ALK: variants seen among roughly 807,000 people sequenced by gnomAD.
ALK encodes the protein ALK tyrosine kinase receptor.
Under a neutral mutation model 163.1 loss-of-function variants are expected in ALK, and 74 were observed. The ratio of observed to expected loss-of-function variants is 0.45; its 90% CI spans 0.38 to 0.55. The LOEUF (loss-of-function observed/expected upper bound fraction) is 0.55. Ranked by LOEUF, ALK falls within the 20% of genes least tolerant of loss-of-function variation. The pLI is 0.00. For synonymous variants in ALK, 960 were observed against 843.2 expected (o/e 1.14, Z -2.40); for missense variants, 2,063 against 2,105.3 (o/e 0.98, Z 0.39).
chr2:29,643,219 G>A (rs1434445207), intron 3 of ALK, among the ~76,000 whole-genome samples: 1 of 152,074 alleles, frequency 6.6e-6, no homozygotes, highest in Non-Finnish European at 1.5e-5. Flanking sequence ...AATGATATGG[G>A]CAGGTATTAA....
At chr2:29,343,852 G>C (rs1425659262) in intron 5 of ALK, among the ~76,000 whole-genome samples, 1 of 152,200 alleles carries the variant, frequency 6.6e-6, no homozygotes, top group Non-Finnish European at 1.5e-5. Context: ...CAGGTACACA[G>C]GACTCCATTT....
chr2:29,571,678 A>G (rs985468960), intron 3 of ALK, among the ~76,000 whole-genome samples: 2 of 128,154 alleles, frequency 1.6e-5, no homozygotes, highest in East Asian at 2.3e-4. Context: ...GTGCAGTGGC[A>G]TGCTCTTGGC....
chr2:29,845,203 A>G (rs13006576), intron 1 of ALK, among the ~76,000 whole-genome samples: 48,742 of 152,070 alleles, frequency 0.32, 8,113 homozygotes, highest in Non-Finnish European at 0.37. Flanking sequence ...ACCATGAATT[A>G]TCACGGGCAC....
In ALK at chr2:29,920,273, G is replaced by A. The variant is rs772964441; in HGVS notation, c.387C>T (p.Gly129=). Residue 129 remains glycine (G), a synonymous_variant, in exon 1 of 29, where the codon GGC becomes GGT. Coordinates refer to ENST00000389048, the MANE Select transcript of ALK (RefSeq NM_004304.5). The stretch of plus-strand genomic sequence containing the variant: ...CACGCCGGAGCTTGCGCACGGAGCC[G>A]CCCTTCAGCACCCTGGACAGCGTCC... The part of the protein sequence containing the change: ...EARTLSRVLK[G]GSVRKLRRAK... The A allele has an allele frequency of 6.3e-7, 1 of 1,592,072 alleles. No individual in the cohort carries two copies. The highest frequency in any genetic ancestry group is 8.5e-7 in the Non-Finnish European group (1 of 1,170,280).
At chr2:29,206,782 T>C (rs953624078) in intron 26 of ALK, among the ~76,000 whole-genome samples, 1 of 118,982 alleles carries the variant, frequency 8.4e-6, no homozygotes, top group South Asian at 2.1e-4. Context: ...TATTGGTGTG[T>C]GTGTGTGTGT....
At chr2:29,623,419 C>T (rs1232681956) in intron 3 of ALK, among the ~76,000 whole-genome samples, 3 of 152,084 alleles carry the variant, frequency 2.0e-5, no homozygotes, top group Admixed American at 2.0e-4. Context: ...TATGATAAAA[C>T]ATTAAATGAA....
intron 18 of ALK, 120 bp downstream of exon 18, chr2:29,226,802 G>T: frequency 7.9e-7 from 1 of 1,262,380 alleles, no homozygotes; most frequent in Non-Finnish European, 1.1e-6. Flanking sequence ...GCAGGTAGGG[G>T]AGGGACAGAA....
intron 3 of ALK, among the ~76,000 whole-genome samples, chr2:29,582,300 A>G (rs1436968718): frequency 6.6e-6 from 1 of 152,080 alleles, no homozygotes; most frequent in Admixed American, 6.5e-5. Flanking sequence ...AACCCCACCC[A>G]AAATCCTACA....
At chr2:29,897,569 A>G (rs1667303012) in intron 1 of ALK, among the ~76,000 whole-genome samples, 1 of 152,130 alleles carries the variant, frequency 6.6e-6, no homozygotes, top group Admixed American at 6.5e-5. Flanking sequence ...GATTTCCCTG[A>G]TGGCTCCTCC....
At position 29,876,420 on chromosome 2, in the gene ALK, TGTG is replaced by T. The variant is rs575545575; in HGVS notation, c.667+43570_667+43572del. ...GATGATGGTGGTGATGGTGATGTGG[TGTG>T]GTGATGGTGATGGTAGTGGTGAGGA... On this transcript the variant is annotated intron_variant, in intron 1 of 28. Coordinates refer to ENST00000389048, the MANE Select transcript of ALK (RefSeq NM_004304.5). Among the ~76,000 whole-genome samples, 92 of 134,332 alleles carry T rather than the reference TGTG, an allele frequency of 6.8e-4. 1 individual carries two copies. Among genetic ancestry groups the T allele is most frequent in the African/African-American group, 2.4e-3 (84 of 34,898 alleles). The allele number at this position is 134,332 out of a possible 152,430, so 88.1% of individuals were successfully genotyped here.
At chr2:29,458,338 C>T (rs758513006) in intron 4 of ALK, among the ~76,000 whole-genome samples, 19 of 152,178 alleles carry the variant, frequency 1.2e-4, no homozygotes, top group Admixed American at 4.6e-4. Context: ...CAGTCACACC[C>T]GGGGACTTAG....
chr2:29,460,636 A>G (rs930721138), intron 4 of ALK, among the ~76,000 whole-genome samples: 3 of 151,886 alleles, frequency 2.0e-5, no homozygotes, highest in Non-Finnish European at 4.4e-5. Flanking sequence ...GATGCCAAAA[A>G]CCACGCCAAA....
At chr2:29,917,768 A>G (rs72798450) in intron 1 of ALK, among the ~76,000 whole-genome samples, 6,590 of 152,268 alleles carry the variant, frequency 0.043, 271 homozygotes, top group East Asian at 0.17. Flanking sequence ...GGTCATGGGG[A>G]GCTCATCCAG....
intron 3 of ALK, among the ~76,000 whole-genome samples, chr2:29,671,062 T>C (rs1165041101): frequency 6.6e-6 from 1 of 152,056 alleles, no homozygotes; most frequent in Admixed American, 6.6e-5. Context: ...TTGTTTTGTG[T>C]TGGTATGTGT....
intron 19 of ALK, among the ~76,000 whole-genome samples, chr2:29,225,140 A>C (rs945520356): frequency 6.6e-6 from 1 of 152,256 alleles, no homozygotes; most frequent in Non-Finnish European, 1.5e-5. Context: ...TGGGAGCTAG[A>C]AGTGACGTCT....
At chr2:29,441,435 C>A (rs763393542) in intron 4 of ALK, among the ~76,000 whole-genome samples, 4 of 152,148 alleles carry the variant, frequency 2.6e-5, no homozygotes, top group African/African-American at 2.4e-5. Flanking sequence ...GGCAGGCATG[C>A]AGGGGCCATG....
At chr2:29,758,563 T>C (rs1461625579) in intron 1 of ALK, among the ~76,000 whole-genome samples, 1 of 152,148 alleles carries the variant, frequency 6.6e-6, no homozygotes, top group East Asian at 1.9e-4. Context: ...CTTGGCCTAC[T>C]TTCTGGATCT....
At chr2:29,773,211 T>A (rs997528843) in intron 1 of ALK, among the ~76,000 whole-genome samples, 1 of 150,794 alleles carries the variant, frequency 6.6e-6, no homozygotes, top group African/African-American at 2.5e-5. Context: ...ATCTTTTCTA[T>A]CAGTAAAATA....
intron 1 of ALK, among the ~76,000 whole-genome samples, chr2:29,830,713 T>TAAAAAAAAA (rs530774574): frequency 1.0e-4 from 3 of 28,966 alleles, no homozygotes; most frequent in African/African-American, 2.2e-4. Context: ...TAAAATAGTT[T>TAAAAAAAAA]AAAAAAAAAA....
Sources: gnomAD v4.1 joint callset for allele counts (sites outside exome capture counted in the v4.1 genomes callset) on GRCh38, gnomAD v4.1.1 for gene constraint, MANE v1.5 for transcripts, NCBI Gene and HGNC (gene_info 2026-07-23, HGNC 2026-07-21) for gene names.